The following ROBO1 variants were observed in gnomAD, a reference collection of about 807,000 sequenced individuals.
ROBO1 encodes the protein roundabout homolog 1.
ROBO1 carries 149 observed loss-of-function variants against 195.9 expected under a neutral mutation model. The observed-to-expected ratio is 0.76, with a 90% CI of 0.67 to 0.87. ROBO1 has a LOEUF of 0.87. Among genes scored for constraint, ROBO1 ranks in the 40% least tolerant of loss-of-function variants. The pLI, the probability that ROBO1 is intolerant of heterozygous loss-of-function variation, is 0.00. For missense variants in ROBO1, 1,933 were observed against 2,068.3 expected, an observed-to-expected ratio of 0.93 and a Z score of 1.27; for synonymous variants, 816 against 733.2, an observed-to-expected ratio of 1.11 and a Z score of -1.82.
chr3:79,605,891 G>A (rs1944465285), intron 1 of ROBO1, among the ~76,000 whole-genome samples: 1 of 151,490 alleles, frequency 6.6e-6, no homozygotes, highest in African/African-American at 2.4e-5. Flanking sequence ...GAACAACAAG[G>A]GCTTTTTCAA....
chr3:79,038,524 T>A (rs925848810), intron 3 of ROBO1, among the ~76,000 whole-genome samples: 1 of 152,158 alleles, frequency 6.6e-6, no homozygotes, highest in Non-Finnish European at 1.5e-5. Context: ...TTATATAACC[T>A]GTCAGTATAC....
At chr3:79,565,279 C>T (rs965355215) in intron 2 of ROBO1, among the ~76,000 whole-genome samples, 1 of 151,382 alleles carries the variant, frequency 6.6e-6, no homozygotes, top group Non-Finnish European at 1.5e-5. Context: ...TTACATTTGG[C>T]TATTCCTCTT....
chr3:79,586,258 A>G (rs1489885159), intron 2 of ROBO1, among the ~76,000 whole-genome samples: 2 of 152,020 alleles, frequency 1.3e-5, no homozygotes, highest in Non-Finnish European at 2.9e-5. Context: ...AATTTTGCAT[A>G]AGGAATTCTT....
chr3:78,648,340 G>T (rs370139612), intron 19 of ROBO1, among the ~76,000 whole-genome samples: 1 of 151,990 alleles, frequency 6.6e-6, no homozygotes, highest in Non-Finnish European at 1.5e-5. Context: ...GAAAAAACTG[G>T]AGTTTTAAAT....
chr3:78,784,763 T>C (rs1559852943), intron 4 of ROBO1, among the ~76,000 whole-genome samples: 1 of 152,190 alleles, frequency 6.6e-6, no homozygotes, highest in African/African-American at 2.4e-5. Flanking sequence ...TATTGTTATG[T>C]CTTCATTCTT....
chr3:79,425,750 A>G (rs1175555983), intron 2 of ROBO1, among the ~76,000 whole-genome samples: 3 of 151,846 alleles, frequency 2.0e-5, no homozygotes, highest in South Asian at 2.1e-4. Flanking sequence ...CACATACTCA[A>G]AAAAATGTAA....
chr3:79,758,719 G>A (rs1339251467), intron 1 of ROBO1, among the ~76,000 whole-genome samples: 1 of 152,144 alleles, frequency 6.6e-6, no homozygotes, highest in East Asian at 1.9e-4. Flanking sequence ...AGGGTAAAGT[G>A]TACCTTGTAT....
At chr3:78,789,977 T>C (rs1352455467) in intron 4 of ROBO1, among the ~76,000 whole-genome samples, 1 of 152,218 alleles carries the variant, frequency 6.6e-6, no homozygotes, top group East Asian at 1.9e-4. Flanking sequence ...AGACGAGGCA[T>C]GCAAACTTAC....
chr3:79,738,684 T>A (rs1444174437), intron 1 of ROBO1, among the ~76,000 whole-genome samples: 1 of 152,186 alleles, frequency 6.6e-6, no homozygotes, highest in African/African-American at 2.4e-5. Flanking sequence ...GTATTCAAAG[T>A]AAATATGACT....
At chr3:79,168,516 G>T (rs559427201) in intron 2 of ROBO1, among the ~76,000 whole-genome samples, 4 of 152,072 alleles carry the variant, frequency 2.6e-5, no homozygotes, top group Admixed American at 6.6e-5. Flanking sequence ...CACCACTCTG[G>T]CTAGTTCATT....
At chr3:79,479,509 C>T (rs1938723806) in intron 2 of ROBO1, among the ~76,000 whole-genome samples, 1 of 152,124 alleles carries the variant, frequency 6.6e-6, no homozygotes, top group South Asian at 2.1e-4. Flanking sequence ...GTCCACAGCC[C>T]AAGGGTTGGA....
chr3:78,984,297 G>C (rs568183078), intron 3 of ROBO1, among the ~76,000 whole-genome samples: 2 of 152,182 alleles, frequency 1.3e-5, no homozygotes, highest in Non-Finnish European at 2.9e-5. Context: ...GAGGCAGTCC[G>C]ACTCCTGAGC....
intron 2 of ROBO1, among the ~76,000 whole-genome samples, chr3:79,490,362 C>T (rs868592823): frequency 6.6e-6 from 1 of 152,168 alleles, no homozygotes; most frequent in South Asian, 2.1e-4. Context: ...TTCCTCTACC[C>T]TCCAGTAGGT....
chr3:79,075,147 A>G (rs571136966), intron 3 of ROBO1, among the ~76,000 whole-genome samples: 61 of 151,944 alleles, frequency 4.0e-4, no homozygotes, highest in African/African-American at 1.4e-3. Flanking sequence ...TGTCTCATCA[A>G]CTTTACATTT....
chr3:79,087,862 T>G (rs2079402278), intron 3 of ROBO1, among the ~76,000 whole-genome samples: 1 of 152,168 alleles, frequency 6.6e-6, no homozygotes, highest in South Asian at 2.1e-4. Flanking sequence ...TATCAAGTGC[T>G]GATATACTGC....
At chr3:79,255,870 A>G (rs922945326) in intron 2 of ROBO1, among the ~76,000 whole-genome samples, 3 of 152,158 alleles carry the variant, frequency 2.0e-5, no homozygotes, top group African/African-American at 7.2e-5. Context: ...CATCTGCCTC[A>G]AAGCTGGGTC....
chr3:79,281,568 C>T (rs1455511446), intron 2 of ROBO1, among the ~76,000 whole-genome samples: 4 of 152,042 alleles, frequency 2.6e-5, no homozygotes, highest in Admixed American at 1.3e-4. Flanking sequence ...GTGCTCAATA[C>T]TATATTAGTT....
chr3:79,285,116 A>AAGG, intron 2 of ROBO1, among the ~76,000 whole-genome samples: 1 of 152,132 alleles, frequency 6.6e-6, no homozygotes, highest in African/African-American at 2.4e-5. Context: ...TAACTTTCTC[A>AAGG]GTAATTTATA....
At chr3:79,367,856 C>T (rs1207840904) in intron 2 of ROBO1, among the ~76,000 whole-genome samples, 1 of 152,170 alleles carries the variant, frequency 6.6e-6, no homozygotes, top group Admixed American at 6.5e-5. Flanking sequence ...ATACAGGGAT[C>T]GTGCTTGTTT....
Sources: allele counts gnomAD v4.1 joint callset (sites outside exome capture counted in the v4.1 genomes callset), GRCh38; gene constraint gnomAD v4.1.1; transcripts MANE v1.5; gene names NCBI Gene and HGNC (gene_info 2026-07-23, HGNC 2026-07-21).